The following TANC2 variants were observed in gnomAD, a reference collection of about 807,000 sequenced individuals.
TANC2 encodes protein TANC2.
In TANC2, 26 loss-of-function variants were observed where a neutral mutation model predicts 210.5. The ratio of observed to expected loss-of-function variants is 0.12; its 90% CI spans 0.09 to 0.17. The LOEUF (loss-of-function observed/expected upper bound fraction) is 0.17. Ranked by LOEUF, TANC2 falls within the 10% of genes least tolerant of loss-of-function variation. The pLI is 1.00. For missense variants in TANC2, 2,129 were observed against 2,608.9 expected (o/e 0.82, Z 4.01); for synonymous variants, 931 against 967.1 (o/e 0.96, Z 0.69).
intron 7 of TANC2, among the ~76,000 whole-genome samples, chr17:63,209,998 G>A (rs1598613443): frequency 6.6e-6 from 1 of 152,090 alleles, no homozygotes; most frequent in South Asian, 2.1e-4. Flanking sequence ...GTGTAGTTAT[G>A]ATACATTTTT....
chr17:63,099,046 T>C (rs190751073), intron 3 of TANC2, 129 bp from the exon 4 acceptor site: 1 of 886,766 alleles, frequency 1.1e-6, no homozygotes, highest in East Asian at 2.7e-5. Context: ...AATGAATGCA[T>C]GTAGTGAAAA....
chr17:63,142,971 G>T (rs2039339721), intron 4 of TANC2, among the ~76,000 whole-genome samples: 2 of 151,992 alleles, frequency 1.3e-5, no homozygotes, highest in Non-Finnish European at 2.9e-5. Flanking sequence ...TTCTTCTTCT[G>T]TCTTACCCCC....
At position 62,966,240 on chromosome 17, in the gene TANC2, C is replaced by T. The variant is rs973169722; in HGVS notation, c.-533C>T. On this transcript the variant is annotated 5_prime_UTR_variant, in exon 1 of 28. Coordinates refer to ENST00000689528, the Ensembl canonical transcript of TANC2. The surrounding 1 kb of genome is among the most constrained non-coding windows in gnomAD (Gnocchi z 5.1). The stretch of plus-strand genomic sequence containing the variant: ...TGCGACGCCCCCAGCGCGGCGGCGG[C>T]GCTAGCGAGCGGCCGGCGGGGCGCG... Among the ~76,000 whole-genome samples the T allele has an allele frequency of 2.8e-4, 41 of 146,364 alleles. No homozygotes were observed. The highest frequency in any genetic ancestry group is 4.4e-4 in the Non-Finnish European group (29 of 65,844).
chr17:63,409,928 A>G (rs952305245), intron 21 of TANC2, among the ~76,000 whole-genome samples: 1 of 152,194 alleles, frequency 6.6e-6, no homozygotes, highest in African/African-American at 2.4e-5. Context: ...TATTTGCATT[A>G]TACTTACTGG....
intron 5 of TANC2, among the ~76,000 whole-genome samples, chr17:63,159,768 C>A (rs1189020089): frequency 6.6e-6 from 1 of 152,088 alleles, no homozygotes; most frequent in African/African-American, 2.4e-5. Context: ...GCTTGAGGAT[C>A]CACAGATTTT....
chr17:62,977,368 A>G (rs2032065964), intron 1 of TANC2, among the ~76,000 whole-genome samples: 1 of 152,208 alleles, frequency 6.6e-6, no homozygotes. Flanking sequence ...TGTGCTAGTT[A>G]TAAACTAAAG....
chr17:63,369,644 C>T (rs891994879), intron 14 of TANC2, among the ~76,000 whole-genome samples: 26 of 151,252 alleles, frequency 1.7e-4, no homozygotes, highest in African/African-American at 6.3e-4. Flanking sequence ...GCCCCTGCCT[C>T]CCAGGTTCAA....
chr17:62,999,639 G>A (rs1258698536), intron 1 of TANC2, among the ~76,000 whole-genome samples: 1 of 148,322 alleles, frequency 6.7e-6, no homozygotes, highest in South Asian at 2.1e-4. Context: ...TTTTTTTTTA[G>A]CTAATCAACT....
chr17:63,216,982 C>T (rs1314662432), intron 7 of TANC2, among the ~76,000 whole-genome samples: 3 of 151,996 alleles, frequency 2.0e-5, no homozygotes, highest in African/African-American at 7.3e-5. Context: ...AATAATGCTC[C>T]AGTCAAAAGA....
At chr17:63,288,978 T>TG (rs1243759101) in intron 9 of TANC2, among the ~76,000 whole-genome samples, 1 of 152,166 alleles carries the variant, frequency 6.6e-6, no homozygotes, top group African/African-American at 2.4e-5. Flanking sequence ...TCTAGGTTGG[T>TG]GGGGTTTTCT....
intron 15 of TANC2, among the ~76,000 whole-genome samples, chr17:63,386,993 C>T (rs1034225390): frequency 1.3e-5 from 2 of 152,034 alleles, no homozygotes; most frequent in African/African-American, 2.4e-5. Flanking sequence ...GCTGGGACCA[C>T]AGGCATGCAC....
intron 4 of TANC2, among the ~76,000 whole-genome samples, chr17:63,125,675 A>G (rs1324232059): frequency 6.6e-6 from 1 of 152,230 alleles, no homozygotes; most frequent in Admixed American, 6.5e-5. Flanking sequence ...ATTCAGTCCA[A>G]AACACTTGAT....
At chr17:63,131,113 A>T (rs746729560) in intron 4 of TANC2, among the ~76,000 whole-genome samples, 7 of 152,200 alleles carry the variant, frequency 4.6e-5, no homozygotes, top group Non-Finnish European at 8.8e-5. Context: ...GTCTAAATAG[A>T]GTTTACCTAA....
At chr17:63,195,888 C>T (rs2041330365) in intron 6 of TANC2, among the ~76,000 whole-genome samples, 1 of 152,142 alleles carries the variant, frequency 6.6e-6, no homozygotes, top group African/African-American at 2.4e-5. Flanking sequence ...TCACTTCCTA[C>T]CCCTCTCCCT....
At chr17:63,014,591 A>G (rs376612051) in intron 2 of TANC2, among the ~76,000 whole-genome samples, 19 of 152,296 alleles carry the variant, frequency 1.2e-4, no homozygotes, top group African/African-American at 3.6e-4. Context: ...GTTATTGTGC[A>G]TGGCCACTAA....
At chr17:62,996,989 A>ATTTTTTTTT (rs1568304676) in intron 1 of TANC2, among the ~76,000 whole-genome samples, 4 of 134,952 alleles carry the variant, frequency 3.0e-5, no homozygotes, top group African/African-American at 8.8e-5. Flanking sequence ...AATTTTTTGT[A>ATTTTTTTTT]TTTTTAGTAT....
intron 9 of TANC2, chr17:63,313,229 T>A (rs1156693718): frequency 6.6e-6 from 1 of 152,218 alleles, no homozygotes; most frequent in African/African-American, 2.4e-5. Flanking sequence ...TATTTTTAAT[T>A]AATTCTTTCC....
intron 1 of TANC2, among the ~76,000 whole-genome samples, chr17:62,996,989 A>ATTTTTTTTTTTT (rs1568304676): frequency 1.5e-5 from 2 of 134,954 alleles, no homozygotes; most frequent in Admixed American, 7.4e-5. Context: ...AATTTTTTGT[A>ATTTTTTTTTTTT]TTTTTAGTAT....
chr17:62,973,382 C>G (rs2031821287), intron 1 of TANC2, among the ~76,000 whole-genome samples: 1 of 152,132 alleles, frequency 6.6e-6, no homozygotes, highest in African/African-American at 2.4e-5. Context: ...AATGTGTGAG[C>G]TTTTAAGCAG....
Sources: gnomAD v4.1 joint callset for allele counts (sites outside exome capture counted in the v4.1 genomes callset) on GRCh38, gnomAD v4.1.1 for gene constraint, Gnocchi (gnomAD v3.1) non-coding constraint, MANE v1.5 for transcripts, NCBI Gene and HGNC (gene_info 2026-07-23, HGNC 2026-07-21) for gene names.